DOCK3: variants seen among roughly 807,000 people sequenced by gnomAD.
DOCK3 encodes the protein dedicator of cytokinesis 3.
In DOCK3, 60 loss-of-function variants were observed where a neutral mutation model predicts 265.6. The observed-to-expected ratio is 0.23, with a 90% confidence interval of 0.18 to 0.28. The LOEUF (loss-of-function observed/expected upper bound fraction) is 0.28, where lower values mean the gene tolerates loss of function less well. DOCK3 is among the 10% of genes least tolerant of loss of function. DOCK3 has a pLI of 1.00. For missense variants in DOCK3, 1,981 were observed against 2,594.3 expected (o/e 0.76, Z 5.14); for synonymous variants, 881 against 938.0 (o/e 0.94, Z 1.11).
chr3:50,993,576 A>G (rs770116032), intron 5 of DOCK3, among the ~76,000 whole-genome samples: 1 of 152,182 alleles, frequency 6.6e-6, no homozygotes, highest in Non-Finnish European at 1.5e-5. Context: ...GTCTTTTTCC[A>G]GTGTTCATCA....
chr3:51,341,723 G>A (rs1305896512), intron 38 of DOCK3, among the ~76,000 whole-genome samples: 2 of 152,132 alleles, frequency 1.3e-5, no homozygotes, highest in African/African-American at 2.4e-5. Context: ...GAACTGATAC[G>A]GCTTTCTAAT....
At chr3:50,970,891 TTATATATATA>T (rs55749209) in intron 5 of DOCK3, among the ~76,000 whole-genome samples, 57 of 12,142 alleles carry the variant, frequency 4.7e-3, no homozygotes, top group African/African-American at 6.8e-3. Flanking sequence ...CATCTAATTT[TTATATATATA>T]TATATATATA....
intron 27 of DOCK3, among the ~76,000 whole-genome samples, chr3:51,297,851 A>G (rs1447095269): frequency 6.6e-6 from 1 of 151,890 alleles, no homozygotes; most frequent in Non-Finnish European, 1.5e-5. Flanking sequence ...GTTTAGTCCC[A>G]GCTAAATTTG....
intron 5 of DOCK3, among the ~76,000 whole-genome samples, chr3:51,044,699 G>C (rs2080689036): frequency 6.6e-6 from 1 of 151,934 alleles, no homozygotes; most frequent in Non-Finnish European, 1.5e-5. Context: ...GTTCATCAGT[G>C]ATCTTAGCTA....
intron 19 of DOCK3, among the ~76,000 whole-genome samples, chr3:51,235,812 C>T (rs1436603744): frequency 6.6e-6 from 1 of 152,204 alleles, no homozygotes; most frequent in East Asian, 1.9e-4. Flanking sequence ...TGACAGCCCT[C>T]ATTGACTGCA....
At chr3:51,349,483 T>C (rs1422075718) in intron 39 of DOCK3, among the ~76,000 whole-genome samples, 1 of 152,242 alleles carries the variant, frequency 6.6e-6, no homozygotes, top group Non-Finnish European at 1.5e-5. Flanking sequence ...CAGTCTCAAC[T>C]CACCCTTTCT....
intron 9 of DOCK3, among the ~76,000 whole-genome samples, chr3:51,114,242 T>C (rs1365609417): frequency 6.6e-6 from 1 of 152,306 alleles, no homozygotes. Flanking sequence ...GGGAATATTT[T>C]AGATAAAGAA....
chr3:50,812,709 C>T (rs750725910), intron 2 of DOCK3, among the ~76,000 whole-genome samples: 2 of 152,186 alleles, frequency 1.3e-5, no homozygotes, highest in Non-Finnish European at 2.9e-5. Context: ...TGGGGCGGGC[C>T]GTCTGCTTTA....
chr3:51,380,115 C>A lies in DOCK3; in HGVS notation c.5501-10C>A. Reference sequence around the variant, plus strand: ...CCCCAGCTGAGGCTCTGGTTCTGTTCCCTTTGCAGGTCATTACTCCCTACA... The same window carrying A: ...CCCCAGCTGAGGCTCTGGTTCTGTTACCTTTGCAGGTCATTACTCCCTACA... On this transcript the variant is annotated splice_polypyrimidine_tract_variant and intron_variant, in intron 51 of 52. Coordinates refer to ENST00000266037, the MANE Select transcript of DOCK3 (RefSeq NM_004947.5). 6.2e-7 allele frequency: 1 copy of A among 1,612,016 alleles called. No homozygotes were observed. The highest frequency in any genetic ancestry group is 8.5e-7 in the Non-Finnish European group (1 of 1,178,768).
In DOCK3 at chr3:51,381,117, C is replaced by T. The variant is rs1553618417; in HGVS notation, c.5651C>T (p.Thr1884Met). ...PQSGLDGSNS[T>M]LSGSASSGVS... Reference sequence around the variant, plus strand: ...TCAGGTCTGGACGGCAGCAACTCTACGCTGTCCGGCAGTGCCAGCAGCGGC... The same window carrying T: ...TCAGGTCTGGACGGCAGCAACTCTATGCTGTCCGGCAGTGCCAGCAGCGGC... Residue 1884 changes from threonine to methionine, a missense_variant, in exon 53 of 53, where the codon ACG (threonine) becomes ATG (methionine). Transcript: ENST00000266037. This position sits in a 1 kb window ranked among gnomAD's most constrained non-coding sequence, Gnocchi z 5.6. 2 of 1,613,844 alleles carry T rather than the reference C, an allele frequency of 1.2e-6. No individual in the cohort carries two copies. The highest frequency in any genetic ancestry group is 1.7e-5 in the Admixed American group (1 of 60,018).
intron 1 of DOCK3, among the ~76,000 whole-genome samples, chr3:50,777,399 C>T (rs2041667788): frequency 1.3e-5 from 2 of 152,012 alleles, no homozygotes; most frequent in Non-Finnish European, 2.9e-5. Context: ...TTCAGGCTCT[C>T]TTTTGGTTCC....
chr3:50,868,439 T>C (rs1432641089), intron 3 of DOCK3, among the ~76,000 whole-genome samples: 1 of 152,110 alleles, frequency 6.6e-6, no homozygotes, highest in African/African-American at 2.4e-5. Context: ...GTGGCATGTT[T>C]ATGGCTTACT....
At chr3:51,350,953 T>C (rs1440884299) in intron 40 of DOCK3, among the ~76,000 whole-genome samples, 2 of 152,214 alleles carry the variant, frequency 1.3e-5, no homozygotes, top group African/African-American at 4.8e-5. Flanking sequence ...AAGCCTCTTC[T>C]AGGCAGCCAG....
chr3:50,825,608 T>TG (rs1263333089), intron 2 of DOCK3, among the ~76,000 whole-genome samples: 1 of 152,010 alleles, frequency 6.6e-6, no homozygotes. Context: ...TAAAACTGGG[T>TG]GGGGGGCAGT....
At chr3:51,010,075 T>C (rs9713580) in intron 5 of DOCK3, among the ~76,000 whole-genome samples, 137,211 of 152,236 alleles carry the variant, frequency 0.9, 62,031 homozygotes, top group African/African-American at 0.95. Context: ...AATGTGGTGC[T>C]GAGAAGAATG....
At chr3:50,800,148 GTTTTC>G (rs760919803) in intron 2 of DOCK3, among the ~76,000 whole-genome samples, 6 of 152,154 alleles carry the variant, frequency 3.9e-5, no homozygotes, top group Non-Finnish European at 5.9e-5. Flanking sequence ...TTGGCATGTA[GTTTTC>G]TTTTCTGATT....
intron 19 of DOCK3, among the ~76,000 whole-genome samples, chr3:51,234,780 T>C (rs1282048174): frequency 3.3e-5 from 5 of 152,118 alleles, no homozygotes. Context: ...CAGGCTGACA[T>C]CAACACTGCC....
At chr3:50,797,193 T>TG (rs140353375) in intron 2 of DOCK3, among the ~76,000 whole-genome samples, 3 of 152,048 alleles carry the variant, frequency 2.0e-5, no homozygotes, top group African/African-American at 7.2e-5. Context: ...GCGGTATGGC[T>TG]GGGGGGAGGT....
At chr3:51,164,999 C>T (rs58650639) in intron 12 of DOCK3, among the ~76,000 whole-genome samples, 2,962 of 125,368 alleles carry the variant, frequency 0.024, 118 homozygotes, top group African/African-American at 0.083. Context: ...AGTGCAGTGG[C>T]GCAATCTCAC....
Sources: gnomAD v4.1 joint callset for allele counts (sites outside exome capture counted in the v4.1 genomes callset) on GRCh38, gnomAD v4.1.1 for gene constraint, Gnocchi (gnomAD v3.1) non-coding constraint, MANE v1.5 for transcripts, NCBI Gene and HGNC (gene_info 2026-07-23, HGNC 2026-07-21) for gene names.